Variants in RELN observed in about 807,000 individuals in gnomAD.
RELN encodes reelin.
A neutral mutation model predicts 427.6 loss-of-function variants in RELN; 108 were observed. That is an observed-to-expected ratio of 0.25 (90% confidence interval 0.22 to 0.30). The LOEUF (loss-of-function observed/expected upper bound fraction) is 0.30, where lower values mean the gene tolerates loss of function less well. RELN is among the 10% of genes least tolerant of loss of function. The pLI, the probability that RELN is intolerant of heterozygous loss-of-function variation, is 1.00. For synonymous variants in RELN, 1,524 were observed against 1,513.4 expected, an observed-to-expected ratio of 1.01 and a Z score of -0.16; for missense variants, 3,715 against 4,302.8, an observed-to-expected ratio of 0.86 and a Z score of 3.82.
intron 34 of RELN, among the ~76,000 whole-genome samples, chr7:103,565,019 AC>A (rs1302587321): frequency 6.6e-6 from 1 of 152,200 alleles, no homozygotes; most frequent in Non-Finnish European, 1.5e-5. Context: ...TATTTTTACA[AC>A]AGTTTAAAAA....
chr7:103,951,777 A>C (rs918463068), intron 1 of RELN, among the ~76,000 whole-genome samples: 3 of 152,120 alleles, frequency 2.0e-5, no homozygotes, highest in African/African-American at 7.2e-5. Flanking sequence ...GGTTCAAGCA[A>C]TTCTTGTGCC....
chr7:103,546,603 A>G (rs1254481118), intron 41 of RELN, among the ~76,000 whole-genome samples: 3 of 152,110 alleles, frequency 2.0e-5, no homozygotes, highest in Non-Finnish European at 4.4e-5. Context: ...TGGAATTTCC[A>G]TTATTATAGT....
chr7:103,780,859 A>G (rs969358290), intron 3 of RELN, among the ~76,000 whole-genome samples: 5 of 152,118 alleles, frequency 3.3e-5, no homozygotes, highest in Non-Finnish European at 7.4e-5. Flanking sequence ...ACTCTTTGTC[A>G]TATTTCTTCC....
chr7:103,878,049 G>A (rs1022600834), intron 2 of RELN, among the ~76,000 whole-genome samples: 1 of 151,944 alleles, frequency 6.6e-6, no homozygotes, highest in Non-Finnish European at 1.5e-5. Flanking sequence ...TAGACATAGG[G>A]TTTTGCCTTG....
At position 103,953,343 on chromosome 7, in the gene RELN, C is replaced by T. The variant is rs531958416; in HGVS notation, c.226+35788G>A. 3.3e-5 allele frequency among the ~76,000 whole-genome samples: 5 copies of T among 152,278 alleles called. No individual in the cohort carries two copies. Among genetic ancestry groups the T allele is most frequent in the African/African-American group, 9.6e-5 (4 of 41,548 alleles). On this transcript the variant is annotated intron_variant, in intron 1 of 64. Transcript: ENST00000428762. The surrounding 1 kb of genome is among the most constrained non-coding windows in gnomAD (Gnocchi z 4.3). ...TTTGGTTTCGGATCCACATTCATAG[C>T]GTATTGCACTCTCTGCCACAGACCA...
At chr7:103,507,283 T>TA (rs750243761) in intron 51 of RELN, among the ~76,000 whole-genome samples, 1 of 152,094 alleles carries the variant, frequency 6.6e-6, no homozygotes, top group African/African-American at 2.4e-5. Context: ...TAATTGGAAG[T>TA]AAAAAACTCC....
intron 4 of RELN, among the ~76,000 whole-genome samples, chr7:103,756,897 T>C (rs1247807636): frequency 6.6e-6 from 1 of 152,154 alleles, no homozygotes; most frequent in Non-Finnish European, 1.5e-5. Context: ...ATATGTGGCA[T>C]AAAAATGGGC....
chr7:103,749,363 G>A, intron 6 of RELN, 63 bp downstream of exon 6: 1 of 1,243,364 alleles, frequency 8.0e-7, no homozygotes, highest in East Asian at 2.3e-5. Context: ...GCTCCTTAAA[G>A]GAGCAGTCAG....
chr7:103,721,224 C>T (rs540321363), intron 8 of RELN, among the ~76,000 whole-genome samples: 47 of 150,326 alleles, frequency 3.1e-4, no homozygotes, highest in African/African-American at 1.0e-3. Context: ...CCTCCTTCCA[C>T]CCTTCCTTCA....
At chr7:103,919,770 T>C (rs141602822) in intron 1 of RELN, among the ~76,000 whole-genome samples, 20 of 152,328 alleles carry the variant, frequency 1.3e-4, no homozygotes, top group African/African-American at 3.4e-4. Context: ...CACAACCTGG[T>C]GCCATCCAGG....
At chr7:103,931,070 G>A (rs1053313988) in intron 1 of RELN, among the ~76,000 whole-genome samples, 7 of 151,986 alleles carry the variant, frequency 4.6e-5, no homozygotes, top group Non-Finnish European at 5.9e-5. Flanking sequence ...TGGAGCCTCT[G>A]GCCAGGGGAT....
rs573462820 is a variant in RELN at position 103,821,832 on chromosome 7, G to A, written c.473+11705C>T. Among the ~76,000 whole-genome samples the A allele has an allele frequency of 3.3e-5, 5 of 152,160 alleles. No homozygotes were observed. The East Asian group carries it at 9.7e-4, about 29-fold the overall frequency. Reference sequence around the variant, plus strand: ...CTGTTTATCTTTCCTATAAAATTTAGGACATTGCTCTTTGAAATATATGTC... The same window carrying A: ...CTGTTTATCTTTCCTATAAAATTTAAGACATTGCTCTTTGAAATATATGTC... On this transcript the variant is annotated intron_variant, in intron 3 of 64. Transcript: ENST00000428762.
At chr7:103,856,769 G>C (rs1793957843) in intron 2 of RELN, among the ~76,000 whole-genome samples, 1 of 151,838 alleles carries the variant, frequency 6.6e-6, no homozygotes, top group Admixed American at 6.6e-5. Context: ...CTGGAACTTT[G>C]TATTTGGTGG....
At chr7:103,858,804 A>G (rs1794005846) in intron 2 of RELN, among the ~76,000 whole-genome samples, 1 of 152,188 alleles carries the variant, frequency 6.6e-6, no homozygotes. Flanking sequence ...GCAAATGTGG[A>G]CAATGTGATA....
Position 103,540,189 on chromosome 7 carries a change from G to A in RELN, c.6930+8C>T, listed in dbSNP as rs757481135. 1 of 1,614,096 alleles carries A rather than the reference G, an allele frequency of 6.2e-7. No homozygotes were observed. Among genetic ancestry groups the A allele is most frequent in the South Asian group, 1.1e-5 (1 of 91,082 alleles). On this transcript the variant is annotated splice_region_variant and intron_variant, in intron 44 of 64. Transcript: ENST00000428762. ...ACAATTAAAATAGTTAATCCTGAAG[G>A]GACTGACCTGATCGATAACCCAGGG...
At chr7:103,830,245 A>C (rs1189671802) in intron 3 of RELN, among the ~76,000 whole-genome samples, 4 of 152,012 alleles carry the variant, frequency 2.6e-5, no homozygotes, top group Non-Finnish European at 4.4e-5. Flanking sequence ...ATAGTTCAGC[A>C]TTAGAAACTA....
At chr7:103,556,426 C>T (rs991391549) in intron 38 of RELN, among the ~76,000 whole-genome samples, 19 of 105,650 alleles carry the variant, frequency 1.8e-4, no homozygotes, top group East Asian at 5.1e-4. Flanking sequence ...ATTATATATA[C>T]GTGTATATAT....
intron 64 of RELN, among the ~76,000 whole-genome samples, chr7:103,474,817 A>T (rs892963852): frequency 6.6e-6 from 1 of 151,920 alleles, no homozygotes; most frequent in Non-Finnish European, 1.5e-5. Flanking sequence ...AAAAAAAAAA[A>T]AAACTCCACT....
At chr7:103,844,753 T>G (rs765329437) in intron 2 of RELN, among the ~76,000 whole-genome samples, 17 of 152,232 alleles carry the variant, frequency 1.1e-4, no homozygotes, top group Non-Finnish European at 2.1e-4. Context: ...AGTAAAACAA[T>G]TCATATTGTG....
Sources: gnomAD v4.1 joint callset for allele counts (sites outside exome capture counted in the v4.1 genomes callset) on GRCh38, gnomAD v4.1.1 for gene constraint, Gnocchi (gnomAD v3.1) non-coding constraint, MANE v1.5 for transcripts, NCBI Gene and HGNC (gene_info 2026-07-23, HGNC 2026-07-21) for gene names.